Variants in LRRIQ1 observed in about 807,000 individuals in gnomAD.
The protein encoded by LRRIQ1 is leucine rich repeats and IQ motif containing 1.
A neutral mutation model predicts 211.9 loss-of-function variants in LRRIQ1; 210 were observed. The ratio of observed to expected loss-of-function variants is 0.99; its 90% confidence interval spans 0.89 to 1.11. The LOEUF (loss-of-function observed/expected upper bound fraction) is 1.11, where lower values mean the gene tolerates loss of function less well. LRRIQ1 is among the 50% of genes most tolerant of loss of function. LRRIQ1 has a pLI of 0.00. For synonymous variants in LRRIQ1, 699 were observed against 650.1 expected (o/e 1.08, Z -1.14); for missense variants, 2,136 against 1,939.5 (o/e 1.10, Z -1.90).
At chr12:85,226,316 T>TCTCTCCATA (rs1894649113) in intron 24 of LRRIQ1, among the ~76,000 whole-genome samples, 1 of 152,110 alleles carries the variant, frequency 6.6e-6, no homozygotes. Context: ...GTAGGTGAGT[T>TCTCTCCATA]TCAAGTCTTG....
chr12:85,240,595 C>T (rs1895415414), intron 26 of LRRIQ1, among the ~76,000 whole-genome samples: 1 of 152,032 alleles, frequency 6.6e-6, no homozygotes, highest in Non-Finnish European at 1.5e-5. Flanking sequence ...CTTAACACAA[C>T]TCAAATCTCA....
intron 1 of LRRIQ1, among the ~76,000 whole-genome samples, chr12:85,256,451 G>A (rs1412449327): frequency 6.6e-6 from 1 of 151,562 alleles, no homozygotes; most frequent in Non-Finnish European, 1.5e-5. Context: ...AATATGAAAT[G>A]CATTTGTCGA....
intron 24 of LRRIQ1, among the ~76,000 whole-genome samples, chr12:85,209,791 T>C (rs1893747397): frequency 1.3e-5 from 2 of 152,162 alleles, no homozygotes; most frequent in Non-Finnish European, 2.9e-5. Context: ...TCTGATTGTT[T>C]CTTCACAACA....
At chr12:85,068,605 C>A (rs1427134579) in intron 10 of LRRIQ1, among the ~76,000 whole-genome samples, 1 of 151,800 alleles carries the variant, frequency 6.6e-6, no homozygotes, top group Non-Finnish European at 1.5e-5. Flanking sequence ...TCTTACTTAA[C>A]CCCATTGCAT....
At chr12:85,243,582 A>G (rs1477649348) in intron 26 of LRRIQ1, among the ~76,000 whole-genome samples, 1 of 151,132 alleles carries the variant, frequency 6.6e-6, no homozygotes, top group Non-Finnish European at 1.5e-5. Context: ...TACATATGTT[A>G]ATTTGCTCAA....
At chr12:85,058,063 CAAAG>C (rs1881336075) in intron 8 of LRRIQ1, among the ~76,000 whole-genome samples, 1 of 146,172 alleles carries the variant, frequency 6.8e-6, no homozygotes, top group Non-Finnish European at 1.5e-5. Flanking sequence ...GACTAATAAA[CAAAG>C]AAAACCCAGT....
chr12:85,192,422 TTA>T (rs1033716188), intron 24 of LRRIQ1, among the ~76,000 whole-genome samples: 6 of 132,376 alleles, frequency 4.5e-5, no homozygotes, highest in South Asian at 4.4e-4. Context: ...TTATATACAT[TTA>T]TATATATTTA....
intron 24 of LRRIQ1, among the ~76,000 whole-genome samples, chr12:85,226,176 T>C (rs1346041320): frequency 1.3e-5 from 2 of 152,204 alleles, no homozygotes; most frequent in African/African-American, 4.8e-5. Flanking sequence ...AGGAAAGCTT[T>C]CCAAAATGAG....
chr12:85,185,148 A>G (rs1403036696), intron 24 of LRRIQ1, among the ~76,000 whole-genome samples: 1 of 151,946 alleles, frequency 6.6e-6, no homozygotes, highest in Admixed American at 6.6e-5. Context: ...CATATTACTC[A>G]TAAGGATTAC....
chr12:85,230,846 G>T (rs1035815549), intron 25 of LRRIQ1, among the ~76,000 whole-genome samples: 1 of 151,818 alleles, frequency 6.6e-6, no homozygotes, highest in Non-Finnish European at 1.5e-5. Flanking sequence ...TCAGGAGATC[G>T]AAACCATCCT....
intron 17 of LRRIQ1, among the ~76,000 whole-genome samples, chr12:85,125,424 T>G (rs1888308129): frequency 6.6e-6 from 1 of 152,108 alleles, no homozygotes; most frequent in African/African-American, 2.4e-5. Flanking sequence ...AAGGATTAGG[T>G]TTTACTTTGG....
intron 17 of LRRIQ1, among the ~76,000 whole-genome samples, chr12:85,126,525 A>C (rs930352089): frequency 1.3e-5 from 2 of 152,180 alleles, no homozygotes; most frequent in Non-Finnish European, 2.9e-5. Flanking sequence ...AATAAATGTG[A>C]ATTATATTTA....
intron 3 of LRRIQ1, among the ~76,000 whole-genome samples, chr12:85,041,606 G>A (rs968789733): frequency 5.9e-5 from 9 of 151,640 alleles, no homozygotes; most frequent in African/African-American, 2.2e-4. Context: ...ATAACAGCAA[G>A]TAAACGTTTC....
At chr12:85,082,375 A>C (rs914715592) in intron 11 of LRRIQ1, among the ~76,000 whole-genome samples, 1 of 152,212 alleles carries the variant, frequency 6.6e-6, no homozygotes, top group East Asian at 1.9e-4. Context: ...GTGTCTAGGC[A>C]GGGATTTGTT....
In LRRIQ1 at chr12:85,234,179, G is replaced by A. The variant is rs1911521; in HGVS notation, c.5016+1423G>A. 6.4e-3 allele frequency among the ~76,000 whole-genome samples: 978 copies of A among 152,182 alleles called. 7 individuals are homozygous for A. Among genetic ancestry groups the A allele is most frequent in the African/African-American group, 0.023 (939 of 41,542 alleles). Reference sequence around the variant, plus strand: ...TTGAGCCTAGAAGATGGAAATTGCCGTGACTTGAGATTGCACAACTGTACT... The same window carrying A: ...TTGAGCCTAGAAGATGGAAATTGCCATGACTTGAGATTGCACAACTGTACT... On this transcript the variant is annotated intron_variant, in intron 26 of 26. Transcript: ENST00000393217.
chr12:85,093,668 A>G (rs1480073292), intron 11 of LRRIQ1, among the ~76,000 whole-genome samples: 1 of 152,194 alleles, frequency 6.6e-6, no homozygotes, highest in Non-Finnish European at 1.5e-5. Context: ...ACACCTCAAC[A>G]AACTCAACCT....
chr12:85,111,282 ACT>A (rs1338950752), intron 15 of LRRIQ1, among the ~76,000 whole-genome samples: 1 of 151,764 alleles, frequency 6.6e-6, no homozygotes, highest in Non-Finnish European at 1.5e-5. Flanking sequence ...ACATATAACC[ACT>A]CTGCTTTCAC....
At chr12:85,232,217 A>G (rs1307784495) in intron 25 of LRRIQ1, among the ~76,000 whole-genome samples, 1 of 152,102 alleles carries the variant, frequency 6.6e-6, no homozygotes, top group African/African-American at 2.4e-5. Flanking sequence ...ATTATTTTCA[A>G]AGACAAGAGT....
chr12:85,053,243 TG>T (rs1258274998), intron 7 of LRRIQ1, among the ~76,000 whole-genome samples: 1 of 151,988 alleles, frequency 6.6e-6, no homozygotes, highest in Non-Finnish European at 1.5e-5. Context: ...AGACAGAGAA[TG>T]GGGCAGAAGC....
Sources: allele counts gnomAD v4.1 joint callset (sites outside exome capture counted in the v4.1 genomes callset), GRCh38; gene constraint gnomAD v4.1.1; transcripts MANE v1.5; gene names NCBI Gene and HGNC (gene_info 2026-07-23, HGNC 2026-07-21).